The following PARD3 variants were observed in gnomAD, a reference collection of about 807,000 sequenced individuals.
The protein encoded by PARD3 is par-3 family cell polarity regulator.
A neutral mutation model predicts 155.4 loss-of-function variants in PARD3; 75 were observed. The ratio of observed to expected loss-of-function variants is 0.48; its 90% CI spans 0.40 to 0.58. The LOEUF (loss-of-function observed/expected upper bound fraction) is 0.58, where lower values mean the gene tolerates loss of function less well. Among genes scored for constraint, PARD3 ranks in the 20% least tolerant of loss-of-function variants. The probability of loss-of-function intolerance (pLI) is 0.00; values close to 1 mark genes in which losing one functional copy is unlikely to be tolerated. For missense variants in PARD3, 1,642 were observed against 1,721.7 expected (o/e 0.95, Z 0.82); for synonymous variants, 576 against 610.5 (o/e 0.94, Z 0.83).
intron 3 of PARD3, among the ~76,000 whole-genome samples, chr10:34,515,935 G>C (rs2081713231): frequency 6.6e-6 from 1 of 151,426 alleles, no homozygotes; most frequent in African/African-American, 2.4e-5. Context: ...AAAAACTGAA[G>C]TGTTTCCAAA....
chr10:34,661,565 C>G (rs2093327078), intron 2 of PARD3, among the ~76,000 whole-genome samples: 1 of 152,086 alleles, frequency 6.6e-6, no homozygotes. Context: ...TTAGAAAAAG[C>G]AAGTTAGAGC....
At chr10:34,685,417 C>T (rs78343691) in intron 2 of PARD3, among the ~76,000 whole-genome samples, 1,884 of 152,278 alleles carry the variant, frequency 0.012, 36 homozygotes, top group African/African-American at 0.043. Context: ...CAACAACTCA[C>T]CTACCTGATC....
intron 2 of PARD3, among the ~76,000 whole-genome samples, chr10:34,543,874 T>G (rs953020691): frequency 6.6e-6 from 1 of 152,210 alleles, no homozygotes; most frequent in African/African-American, 2.4e-5. Context: ...GTCAATGTAA[T>G]AGCTTTGTGG....
intron 20 of PARD3, among the ~76,000 whole-genome samples, chr10:34,299,171 G>A (rs1957042650): frequency 6.6e-6 from 1 of 152,202 alleles, no homozygotes; most frequent in South Asian, 2.1e-4. Flanking sequence ...AGAGTGCGAG[G>A]AGGAGCCCAG....
chr10:34,381,171 A>C (rs2134732008), intron 9 of PARD3, among the ~76,000 whole-genome samples: 1 of 152,322 alleles, frequency 6.6e-6, no homozygotes, highest in East Asian at 1.9e-4. Flanking sequence ...CAGAGTTTAC[A>C]ACCTTGTAAA....
intron 5 of PARD3, among the ~76,000 whole-genome samples, chr10:34,418,470 A>T (rs1845883513): frequency 6.6e-6 from 1 of 152,156 alleles, no homozygotes; most frequent in Admixed American, 6.6e-5. Flanking sequence ...CACCGCACCC[A>T]GCATATATTC....
chr10:34,428,304 A>C (rs2132502929), intron 5 of PARD3, among the ~76,000 whole-genome samples: 1 of 152,272 alleles, frequency 6.6e-6, no homozygotes, highest in East Asian at 1.9e-4. Context: ...GCCCAACATA[A>C]CTAAAAGCTC....
At chr10:34,380,798 C>T (rs1841743491) in intron 9 of PARD3, among the ~76,000 whole-genome samples, 1 of 151,996 alleles carries the variant, frequency 6.6e-6, no homozygotes. Context: ...ATTTATGAAC[C>T]AGTATCTTTA....
chr10:34,184,230 A>C (rs1035888431), intron 22 of PARD3, among the ~76,000 whole-genome samples: 1 of 152,246 alleles, frequency 6.6e-6, no homozygotes, highest in Admixed American at 6.5e-5. Context: ...CAGGAGAGGA[A>C]CTGAATTGTT....
chr10:34,449,263 T>A (rs190163089), intron 5 of PARD3, among the ~76,000 whole-genome samples: 75 of 152,062 alleles, frequency 4.9e-4, no homozygotes, highest in African/African-American at 1.8e-3. Context: ...TATATACATA[T>A]ATAAAAACCT....
chr10:34,740,120 C>A lies in PARD3; in HGVS notation c.121-43701G>T, dbSNP rs182825991. ...TGGTGAGAGCCTCCCGTCCCCACCC[C>A]AAGAGGAGAAAGGGAGGAAACCTGA... is the stretch of plus-strand genomic sequence containing the variant. On this transcript the variant is annotated intron_variant, in intron 1 of 24. Coordinates refer to ENST00000374788, the MANE Select transcript of PARD3 (RefSeq NM_001184785.2). Among the ~76,000 whole-genome samples, 32 of 152,316 alleles carry A rather than the reference C, an allele frequency of 2.1e-4. No individual in the cohort carries two copies. In the East Asian group the frequency reaches 5.4e-3, roughly 26 times the overall value.
In PARD3 at chr10:34,449,854, A is replaced by T. The variant is rs2076964904; in HGVS notation, c.714+463T>A. Among the ~76,000 whole-genome samples, 10 of 152,230 alleles carry T rather than the reference A, an allele frequency of 6.6e-5. No individual in the cohort carries two copies. In the South Asian group the frequency reaches 2.1e-3, roughly 32 times the overall value. ...AAATTTATGAAGGGATAAGTGCCCAAACATGACAAAATACCGTAATCTAAA... is the reference window on the plus strand; with the variant it reads ...AAATTTATGAAGGGATAAGTGCCCATACATGACAAAATACCGTAATCTAAA... On this transcript the variant is annotated intron_variant, in intron 5 of 24. Coordinates refer to ENST00000374788, the MANE Select transcript of PARD3 (RefSeq NM_001184785.2).
chr10:34,726,166 A>C (rs182323087), intron 1 of PARD3, among the ~76,000 whole-genome samples: 5 of 152,370 alleles, frequency 3.3e-5, no homozygotes, highest in Admixed American at 6.5e-5. Context: ...TACTAAAACA[A>C]AAGCTTTGGC....
chr10:34,771,937 T>C (rs1432091489), intron 1 of PARD3, among the ~76,000 whole-genome samples: 6 of 152,180 alleles, frequency 3.9e-5, no homozygotes, highest in African/African-American at 9.7e-5. Flanking sequence ...ACAACTTCCA[T>C]CAACCCCTGG....
chr10:34,579,572 G>A (rs199510185), intron 2 of PARD3, among the ~76,000 whole-genome samples: 22 of 149,638 alleles, frequency 1.5e-4, no homozygotes, highest in South Asian at 4.3e-4. Context: ...GTGTGTGTGT[G>A]TGTGTGTGTG....
intron 3 of PARD3, among the ~76,000 whole-genome samples, chr10:34,487,371 G>A (rs1466680284): frequency 6.6e-6 from 1 of 151,872 alleles, no homozygotes; most frequent in Non-Finnish European, 1.5e-5. Context: ...AGGACACCGA[G>A]AAAATGTTTG....
intron 24 of PARD3, among the ~76,000 whole-genome samples, chr10:34,115,541 CAG>C (rs1348063761): frequency 6.6e-6 from 1 of 152,010 alleles, no homozygotes; most frequent in African/African-American, 2.4e-5. Context: ...TAGTTAATAA[CAG>C]AGTATTGTAC....
At chr10:34,352,492 C>T (rs965383238) in intron 14 of PARD3, among the ~76,000 whole-genome samples, 1 of 152,202 alleles carries the variant, frequency 6.6e-6, no homozygotes, top group African/African-American at 2.4e-5. Context: ...ATTGCAGGCA[C>T]GCGCCGCCAC....
At chr10:34,279,243 G>A (rs1053403958) in intron 21 of PARD3, among the ~76,000 whole-genome samples, 11 of 146,708 alleles carry the variant, frequency 7.5e-5, no homozygotes, top group South Asian at 2.2e-4. Context: ...TCGAACTCCT[G>A]GGCTGAAGTG....
Sources: allele counts gnomAD v4.1 joint callset (sites outside exome capture counted in the v4.1 genomes callset), GRCh38; gene constraint gnomAD v4.1.1; transcripts MANE v1.5; gene names NCBI Gene and HGNC (gene_info 2026-07-23, HGNC 2026-07-21).